GRID1: variants seen among roughly 807,000 people sequenced by gnomAD.
The protein encoded by GRID1 is glutamate receptor ionotropic, delta-1.
A neutral mutation model predicts 98.0 loss-of-function variants in GRID1; 28 were observed. That is an observed-to-expected ratio of 0.29 (90% confidence interval 0.21 to 0.39). The LOEUF (loss-of-function observed/expected upper bound fraction) is 0.39. Among genes scored for constraint, GRID1 ranks in the 10% least tolerant of loss-of-function variants. GRID1 has a pLI of 1.00. For synonymous variants in GRID1, 553 were observed against 538.5 expected, an observed-to-expected ratio of 1.03 and a Z score of -0.37; for missense variants, 1,111 against 1,340.5, an observed-to-expected ratio of 0.83 and a Z score of 2.67.
chr10:85,959,487 T>C (rs1471897741), intron 4 of GRID1, among the ~76,000 whole-genome samples: 1 of 152,178 alleles, frequency 6.6e-6, no homozygotes, highest in East Asian at 1.9e-4. Flanking sequence ...TGGAGCACAT[T>C]TCCATCATCC....
chr10:85,651,903 A>G (rs1197618348), intron 12 of GRID1, among the ~76,000 whole-genome samples: 1 of 152,146 alleles, frequency 6.6e-6, no homozygotes, highest in African/African-American at 2.4e-5. Context: ...CTCCAATCTT[A>G]CGTTTAAACC....
chr10:85,737,155 A>G (rs893559331), intron 8 of GRID1, among the ~76,000 whole-genome samples: 1 of 152,154 alleles, frequency 6.6e-6, no homozygotes, highest in African/African-American at 2.4e-5. Flanking sequence ...CATCTCAGTT[A>G]GGACCTTTGC....
intron 12 of GRID1, among the ~76,000 whole-genome samples, chr10:85,694,604 T>TA (rs1324813296): frequency 8.4e-6 from 1 of 118,734 alleles, no homozygotes. Context: ...ATATATATAA[T>TA]GGAATATTAT....
intron 2 of GRID1, among the ~76,000 whole-genome samples, chr10:86,340,354 CTG>C (rs1848293284): frequency 6.6e-6 from 1 of 152,210 alleles, no homozygotes; most frequent in African/African-American, 2.4e-5. Context: ...CTGGGCTGTG[CTG>C]TGTGTTGACA....
At chr10:85,834,900 T>C (rs555797166) in intron 8 of GRID1, among the ~76,000 whole-genome samples, 1 of 152,026 alleles carries the variant, frequency 6.6e-6, no homozygotes, top group South Asian at 2.1e-4. Context: ...AAGGCAAAAA[T>C]GGGAAGAATA....
At chr10:86,051,412 A>G (rs1217371818) in intron 4 of GRID1, among the ~76,000 whole-genome samples, 2 of 151,950 alleles carry the variant, frequency 1.3e-5, no homozygotes, top group Non-Finnish European at 2.9e-5. Context: ...ATAACTTTGT[A>G]CTAGGGAATG....
chr10:86,051,834 G>T (rs532621511), intron 4 of GRID1, among the ~76,000 whole-genome samples: 1 of 152,204 alleles, frequency 6.6e-6, no homozygotes. Flanking sequence ...ATACATTGCT[G>T]GTGGGAATAT....
chr10:86,135,647 C>T (rs1300185359), intron 4 of GRID1, among the ~76,000 whole-genome samples: 3 of 152,116 alleles, frequency 2.0e-5, no homozygotes, highest in African/African-American at 7.2e-5. Context: ...CCAGGCAGGC[C>T]CCAGCACCTT....
intron 4 of GRID1, among the ~76,000 whole-genome samples, chr10:86,039,202 C>G (rs1378553390): frequency 1.3e-5 from 2 of 152,178 alleles, no homozygotes; most frequent in East Asian, 3.9e-4. Flanking sequence ...TTCCTCACTC[C>G]TAACCTCTCT....
At chr10:85,701,822 G>A (rs1841454574) in intron 12 of GRID1, among the ~76,000 whole-genome samples, 1 of 152,124 alleles carries the variant, frequency 6.6e-6, no homozygotes, top group Non-Finnish European at 1.5e-5. Context: ...CAGGGGACTT[G>A]GGGGCAAGGG....
intron 8 of GRID1, among the ~76,000 whole-genome samples, chr10:85,755,693 G>A (rs1049511439): frequency 2.0e-5 from 3 of 152,052 alleles, no homozygotes; most frequent in African/African-American, 4.8e-5. Context: ...ACTTCCGCTC[G>A]GGCACCCCTG....
chr10:85,870,454 G>A (rs548367460), intron 5 of GRID1, among the ~76,000 whole-genome samples: 2 of 152,298 alleles, frequency 1.3e-5, no homozygotes, highest in Admixed American at 6.5e-5. Flanking sequence ...CCTTGTGATC[G>A]TGTGAGCCAA....
chr10:85,867,962 C>A (rs1477807083), intron 6 of GRID1, among the ~76,000 whole-genome samples: 1 of 152,220 alleles, frequency 6.6e-6, no homozygotes, highest in Non-Finnish European at 1.5e-5. Context: ...CATGTCCACA[C>A]CCTACTCAAG....
chr10:85,637,995 A>G (rs1843070065), intron 13 of GRID1, among the ~76,000 whole-genome samples: 1 of 152,238 alleles, frequency 6.6e-6, no homozygotes, highest in Non-Finnish European at 1.5e-5. Flanking sequence ...TGGGGTTAAA[A>G]CAGTGTTTAG....
At chr10:86,242,164 G>C (rs1025321599) in intron 2 of GRID1, among the ~76,000 whole-genome samples, 7 of 152,244 alleles carry the variant, frequency 4.6e-5, no homozygotes, top group Non-Finnish European at 8.8e-5. Context: ...GTATGTGGTT[G>C]CTAAATCATG....
chr10:85,918,841 G>A (rs1277109089), intron 4 of GRID1, among the ~76,000 whole-genome samples: 1 of 152,210 alleles, frequency 6.6e-6, no homozygotes, highest in Non-Finnish European at 1.5e-5. Context: ...TTACAGTGCC[G>A]TGTTTTCTAA....
chr10:85,819,262 T>A lies in GRID1; in HGVS notation c.1233+35234A>T, dbSNP rs1175595737. 2.6e-5 allele frequency among the ~76,000 whole-genome samples: 4 copies of A among 152,106 alleles called. No individual in the cohort carries two copies. The East Asian group carries it at 7.7e-4, about 29-fold the overall frequency. On this transcript the variant is annotated intron_variant, in intron 8 of 15. Coordinates refer to ENST00000327946, the MANE Select transcript of GRID1 (RefSeq NM_017551.3). ...AAACGCTAAAATTAGTGGGAAAAAA[T>A]TAAAGGAGAAATAAGATATTTGCAC...
At chr10:86,354,156 C>G (rs976300519) in intron 2 of GRID1, among the ~76,000 whole-genome samples, 1 of 152,070 alleles carries the variant, frequency 6.6e-6, no homozygotes, top group Non-Finnish European at 1.5e-5. Context: ...GGGGGACAGA[C>G]AGCAAGAAGA....
rs761891345 is a variant in GRID1, at chr10:86,126,795, G to C, written c.726+12024C>G. On this transcript the variant is annotated intron_variant, in intron 4 of 15. Coordinates refer to ENST00000327946, the MANE Select transcript of GRID1 (RefSeq NM_017551.3). ...ACACAAGAAATAGTGACCACACCAG[G>C]CCTTCTCAGGGGAATCTTGGCAGAG... 3.3e-5 allele frequency among the ~76,000 whole-genome samples: 5 copies of C among 152,328 alleles called. No homozygotes were observed. The South Asian group carries it at 6.2e-4, about 19-fold the overall frequency.
Sources: allele counts gnomAD v4.1 joint callset (sites outside exome capture counted in the v4.1 genomes callset), GRCh38; gene constraint gnomAD v4.1.1; transcripts MANE v1.5; gene names NCBI Gene and HGNC (gene_info 2026-07-23, HGNC 2026-07-21).